Variants in TGFA observed in about 807,000 individuals in gnomAD.
The protein encoded by TGFA is protransforming growth factor alpha.
TGFA carries 12 observed loss-of-function variants against 21.7 expected under a neutral mutation model. The observed-to-expected ratio is 0.55, with a 90% CI of 0.35 to 0.90. The LOEUF (loss-of-function observed/expected upper bound fraction) is 0.90. Ranked by LOEUF, TGFA falls within the 40% of genes least tolerant of loss-of-function variation. The pLI is 0.01. For missense variants in TGFA, 178 were observed against 210.8 expected (o/e 0.84, Z 0.96); for synonymous variants, 79 against 88.1 (o/e 0.90, Z 0.58).
At chr2:70,458,178 C>T (rs1249580797) in intron 3 of TGFA, among the ~76,000 whole-genome samples, 1 of 152,168 alleles carries the variant, frequency 6.6e-6, no homozygotes, top group Non-Finnish European at 1.5e-5. Flanking sequence ...ACAGCTCTCC[C>T]TGCAGGCACT....
rs1672993215 is a variant in TGFA at position 70,537,064 on chromosome 2, C to T, written c.40+16664G>A. The stretch of plus-strand genomic sequence containing the variant: ...CCAACAGCAAGCGCTCACTTCGTGT[C>T]TCTGTGTCACATTTTGGTAATAATC... On this transcript the variant is annotated intron_variant, in intron 1 of 5. Coordinates refer to ENST00000295400, the MANE Select transcript of TGFA (RefSeq NM_003236.4). 2.0e-5 allele frequency among the ~76,000 whole-genome samples: 3 copies of T among 148,870 alleles called. No homozygotes were observed. In the Admixed American group the frequency reaches 2.0e-4, roughly 10 times the overall value.
At chr2:70,464,677 A>G (rs1221242315) in intron 3 of TGFA, among the ~76,000 whole-genome samples, 2 of 152,368 alleles carry the variant, frequency 1.3e-5, no homozygotes, top group East Asian at 3.9e-4. Flanking sequence ...GTATTCTATT[A>G]TAGACAGACT....
At chr2:70,508,182 T>C (rs1671985865) in intron 2 of TGFA, among the ~76,000 whole-genome samples, 1 of 152,338 alleles carries the variant, frequency 6.6e-6, no homozygotes, top group South Asian at 2.1e-4. Flanking sequence ...TGGTGGCTCA[T>C]GCCTGTAAAC....
intron 2 of TGFA, among the ~76,000 whole-genome samples, chr2:70,511,251 A>T (rs1672090415): frequency 6.6e-6 from 1 of 152,184 alleles, no homozygotes; most frequent in Admixed American, 6.5e-5. Context: ...ATCATGGGTA[A>T]AGTCCTTATA....
At chr2:70,514,032 G>A (rs1553501267) in intron 2 of TGFA, among the ~76,000 whole-genome samples, 1 of 152,192 alleles carries the variant, frequency 6.6e-6, no homozygotes, top group Non-Finnish European at 1.5e-5. Flanking sequence ...GGTGGAAAAA[G>A]CTTCTAGGCA....
intron 2 of TGFA, among the ~76,000 whole-genome samples, chr2:70,476,836 G>A (rs1229520300): frequency 6.6e-6 from 1 of 152,202 alleles, no homozygotes; most frequent in African/African-American, 2.4e-5. Context: ...TTGGGACTAT[G>A]TCCCATGACA....
chr2:70,533,228 T>C (rs1342397799), intron 1 of TGFA, among the ~76,000 whole-genome samples: 2 of 152,174 alleles, frequency 1.3e-5, no homozygotes, highest in Non-Finnish European at 2.9e-5. Context: ...TCTGTGCAGT[T>C]TGGACTCCTT....
At chr2:70,534,954 G>A (rs887740956) in intron 1 of TGFA, among the ~76,000 whole-genome samples, 3 of 152,208 alleles carry the variant, frequency 2.0e-5, no homozygotes, top group Non-Finnish European at 2.9e-5. Flanking sequence ...TGGCAGGCAA[G>A]GGTCCTGGGC....
chr2:70,532,946 G>A (rs1301320442), intron 1 of TGFA, among the ~76,000 whole-genome samples: 6 of 150,752 alleles, frequency 4.0e-5, no homozygotes, highest in African/African-American at 1.2e-4. Context: ...CTGCAGCCTC[G>A]ACCTCCCTGG....
chr2:70,512,020 G>A (rs1672118449), intron 2 of TGFA, among the ~76,000 whole-genome samples: 1 of 141,268 alleles, frequency 7.1e-6, no homozygotes, highest in African/African-American at 2.5e-5. Flanking sequence ...CCTGTGCGGT[G>A]ATGAGAGAGT....
chr2:70,486,628 CT>C (rs1249571689), intron 2 of TGFA, among the ~76,000 whole-genome samples: 2 of 151,878 alleles, frequency 1.3e-5, no homozygotes, highest in African/African-American at 4.8e-5. Flanking sequence ...CACCAGGCTA[CT>C]TTTTGTGTTT....
intron 2 of TGFA, among the ~76,000 whole-genome samples, chr2:70,474,693 G>A (rs1670869855): frequency 6.6e-6 from 1 of 152,204 alleles, no homozygotes. Context: ...CTAAGGGCAG[G>A]AACCTCTGGG....
At chr2:70,521,152 T>C (rs1672444639) in intron 1 of TGFA, among the ~76,000 whole-genome samples, 1 of 152,046 alleles carries the variant, frequency 6.6e-6, no homozygotes, top group South Asian at 2.1e-4. Flanking sequence ...ATGAAATCAC[T>C]CCTATCCTCT....
At chr2:70,498,836 C>T (rs751560763) in intron 2 of TGFA, among the ~76,000 whole-genome samples, 5 of 152,162 alleles carry the variant, frequency 3.3e-5, no homozygotes, top group Admixed American at 6.5e-5. Context: ...AAACCAGATT[C>T]GGTCTGTGTT....
chr2:70,451,993 G>T (rs1195220806), intron 5 of TGFA, among the ~76,000 whole-genome samples: 1 of 152,218 alleles, frequency 6.6e-6, no homozygotes, highest in East Asian at 1.9e-4. Flanking sequence ...CCCTTACTGT[G>T]CACGATGACT....
In TGFA at chr2:70,553,646, C is replaced by T. The variant is rs948839778; in HGVS notation, c.40+82G>A. On this transcript the variant is annotated intron_variant, in intron 1 of 5. Transcript: ENST00000295400. ...CCACTCTCCCAGGCGGGCGCAGAAA[C>T]CCCCGGAAAGGGGAACTCGGCGGGG... is the stretch of plus-strand genomic sequence containing the variant. 17 of 1,308,960 alleles carry T rather than the reference C, an allele frequency of 1.3e-5. No homozygotes were observed. The East Asian group carries it at 1.8e-4, about 14-fold the overall frequency. 81.1% of individuals were successfully genotyped at this position (1,308,960 alleles called of 1,614,324 possible).
At chr2:70,485,948 A>G (rs782010716) in intron 2 of TGFA, among the ~76,000 whole-genome samples, 85 of 152,166 alleles carry the variant, frequency 5.6e-4, no homozygotes, top group Non-Finnish European at 1.9e-4. Flanking sequence ...ATTCACAATC[A>G]TATTTCCTCC....
rs782068767 is a variant in TGFA, at chr2:70,456,483, T to C, written c.221A>G (p.His74Arg). ...ACAGCGTGCACCAACGTACCCAGAATGGCAGCTGGGGAAGAAAGGAACGTC... is the reference window on the plus strand; with the variant it reads ...ACAGCGTGCACCAACGTACCCAGAACGGCAGCTGGGGAAGAAAGGAACGTC... ...VQEDKPACVC[H>R]SGYVGARCEH... The change falls in exon 4 of 6, where the codon CAT becomes CGT. Residue 74 changes from histidine to arginine, a missense_variant. Physicochemically the swap from His to Arg is conservative, Grantham distance 29. Transcript: ENST00000295400. 6.2e-7 allele frequency: 1 copy of C among 1,606,594 alleles called. No homozygotes were observed. The highest frequency in any genetic ancestry group is 1.1e-5 in the South Asian group (1 of 89,260).
intron 1 of TGFA, among the ~76,000 whole-genome samples, chr2:70,521,613 G>GTGTTT (rs532266930): frequency 2.8e-3 from 204 of 74,028 alleles, no homozygotes; most frequent in African/African-American, 8.3e-3. Flanking sequence ...GTTGTTGTTT[G>GTGTTT]TTTGTTTTTT....
Sources: gnomAD v4.1 joint callset for allele counts (sites outside exome capture counted in the v4.1 genomes callset) on GRCh38, gnomAD v4.1.1 for gene constraint, MANE v1.5 for transcripts, NCBI Gene and HGNC (gene_info 2026-07-23, HGNC 2026-07-21) for gene names.